LHFPL6: variants seen among roughly 807,000 people sequenced by gnomAD.
LHFPL6 encodes the protein LHFPL tetraspan subfamily member 6.
LHFPL6 carries 9 observed loss-of-function variants against 20.6 expected under a neutral mutation model. The observed-to-expected ratio is 0.44, with a 90% CI of 0.26 to 0.76. The LOEUF is 0.76. Among genes scored for constraint, LHFPL6 ranks in the 30% least tolerant of loss-of-function variants. LHFPL6 has a pLI of 0.20. For synonymous variants in LHFPL6, 105 were observed against 98.7 expected (o/e 1.06, Z -0.38); for missense variants, 218 against 253.5 (o/e 0.86, Z 0.95).
rs199547503 is a variant in LHFPL6 at position 39,553,584 on chromosome 13, GGTCTGTGCCTGTAGTCCCA to G, written c.385+47229_385+47247del. Among the ~76,000 whole-genome samples the G allele has an allele frequency of 3.4e-4, 51 of 152,226 alleles. No individual in the cohort carries two copies. The East Asian group carries it at 8.7e-3, about 26-fold the overall frequency. ...ATTTTTTTTAATTAGCCAGCATGGT[GGTCTGTGCCTGTAGTCCCA>G]GCTACTCAGGAAGCTGAGGTGGCAC... On this transcript the variant is annotated intron_variant, in intron 2 of 3. Transcript: ENST00000379589.
At chr13:39,431,717 T>TTG (rs796181082) in intron 2 of LHFPL6, among the ~76,000 whole-genome samples, 1 of 95,978 alleles carries the variant, frequency 1.0e-5, no homozygotes, top group Non-Finnish European at 2.1e-5. Flanking sequence ...GTAGAATTTG[T>TTG]GGGGGGGGGG....
chr13:39,414,241 T>A (rs917618224), intron 2 of LHFPL6, among the ~76,000 whole-genome samples: 1 of 152,142 alleles, frequency 6.6e-6, no homozygotes, highest in Non-Finnish European at 1.5e-5. Context: ...TATTTGGAAA[T>A]CAAGCTCAAT....
intron 2 of LHFPL6, among the ~76,000 whole-genome samples, chr13:39,395,524 T>A (rs1045074867): frequency 1.3e-5 from 2 of 152,188 alleles, no homozygotes; most frequent in African/African-American, 4.8e-5. Flanking sequence ...CAAAGACTGA[T>A]AAGGACGTCT....
chr13:39,554,657 C>T (rs775978626), intron 2 of LHFPL6, among the ~76,000 whole-genome samples: 4 of 152,164 alleles, frequency 2.6e-5, no homozygotes, highest in Non-Finnish European at 4.4e-5. Flanking sequence ...CCCCTCCTCC[C>T]CACCCACTGA....
chr13:39,422,632 C>T (rs535669508), intron 2 of LHFPL6, among the ~76,000 whole-genome samples: 16 of 149,308 alleles, frequency 1.1e-4, no homozygotes, highest in African/African-American at 2.9e-4. Flanking sequence ...AAACACAATG[C>T]GCAACAGCTA....
At chr13:39,378,102 A>G (rs895380537) in intron 3 of LHFPL6, among the ~76,000 whole-genome samples, 3 of 152,194 alleles carry the variant, frequency 2.0e-5, no homozygotes, top group Non-Finnish European at 2.9e-5. Flanking sequence ...CTCAGACTGC[A>G]AATTCTACAG....
intron 2 of LHFPL6, 99 bp downstream of exon 2, chr13:39,600,733 C>T: frequency 8.1e-7 from 1 of 1,228,372 alleles, no homozygotes; most frequent in Non-Finnish European, 1.1e-6. Flanking sequence ...TTATGCATTC[C>T]AGGTGTCATT....
At chr13:39,424,435 C>A (rs1464773983) in intron 2 of LHFPL6, among the ~76,000 whole-genome samples, 1 of 152,126 alleles carries the variant, frequency 6.6e-6, no homozygotes, top group African/African-American at 2.4e-5. Flanking sequence ...TTGAATAAAG[C>A]TGTCAGCAAC....
At chr13:39,486,449 T>C (rs1324965963) in intron 2 of LHFPL6, among the ~76,000 whole-genome samples, 1 of 152,212 alleles carries the variant, frequency 6.6e-6, no homozygotes, top group Middle Eastern at 3.2e-3. Flanking sequence ...CACTTACAAA[T>C]GGGTGGTATA....
At chr13:39,421,568 AATT>A (rs1244218830) in intron 2 of LHFPL6, among the ~76,000 whole-genome samples, 3 of 152,212 alleles carry the variant, frequency 2.0e-5, no homozygotes, top group African/African-American at 7.2e-5. Context: ...TCATGATAAA[AATT>A]ATCATCATTT....
At chr13:39,495,779 A>ATT (rs10558170) in intron 2 of LHFPL6, among the ~76,000 whole-genome samples, 67 of 89,528 alleles carry the variant, frequency 7.5e-4, no homozygotes, top group South Asian at 1.5e-3. Context: ...TAACTCAATA[A>ATT]TTTTTTTTTT....
intron 2 of LHFPL6, among the ~76,000 whole-genome samples, chr13:39,587,392 C>T (rs1234343020): frequency 6.6e-6 from 1 of 152,172 alleles, no homozygotes; most frequent in Non-Finnish European, 1.5e-5. Context: ...CCCAGGTCAA[C>T]TAGCACCTCT....
intron 2 of LHFPL6, among the ~76,000 whole-genome samples, chr13:39,442,862 T>G (rs988418455): frequency 1.3e-5 from 2 of 152,178 alleles, no homozygotes; most frequent in African/African-American, 4.8e-5. Context: ...CAAATACTAC[T>G]GTCCTCAATC....
intron 2 of LHFPL6, among the ~76,000 whole-genome samples, chr13:39,494,757 G>A (rs900627853): frequency 6.6e-6 from 1 of 152,110 alleles, no homozygotes; most frequent in Non-Finnish European, 1.5e-5. Flanking sequence ...GATTTAATTG[G>A]AATCAAATGT....
intron 2 of LHFPL6, among the ~76,000 whole-genome samples, chr13:39,501,179 T>C (rs1228882302): frequency 6.6e-6 from 1 of 152,214 alleles, no homozygotes; most frequent in African/African-American, 2.4e-5. Context: ...TTATATTTGC[T>C]GTTAGCAACA....
Position 39,580,843 on chromosome 13 carries a change from T to C in LHFPL6, c.385+19989A>G, listed in dbSNP as rs559177297. 2.0e-5 allele frequency among the ~76,000 whole-genome samples: 3 copies of C among 152,352 alleles called. No homozygotes were observed. In the East Asian group the frequency reaches 5.8e-4, roughly 29 times the overall value. ...TGTAACTTGTCCAGAACCAGGAAAC[T>C]GATGAACAGCAGAATTTAACCCTGT... On this transcript the variant is annotated intron_variant, in intron 2 of 3. Transcript: ENST00000379589.
At chr13:39,348,437 A>G (rs1869469621) in intron 3 of LHFPL6, among the ~76,000 whole-genome samples, 1 of 152,102 alleles carries the variant, frequency 6.6e-6, no homozygotes, top group South Asian at 2.1e-4. Flanking sequence ...CTCCGGGTGG[A>G]ACAAAGTCTG....
At chr13:39,585,189 G>C (rs928162547) in intron 2 of LHFPL6, among the ~76,000 whole-genome samples, 5 of 152,208 alleles carry the variant, frequency 3.3e-5, no homozygotes, top group Non-Finnish European at 7.3e-5. Flanking sequence ...TAGAGCTTGA[G>C]GGAATACACA....
At chr13:39,584,694 A>C (rs1402943064) in intron 2 of LHFPL6, among the ~76,000 whole-genome samples, 1 of 152,040 alleles carries the variant, frequency 6.6e-6, no homozygotes, top group African/African-American at 2.4e-5. Flanking sequence ...GAACAGGCTT[A>C]ATGTCTAGGA....
Sources: gnomAD v4.1 joint callset for allele counts (sites outside exome capture counted in the v4.1 genomes callset) on GRCh38, gnomAD v4.1.1 for gene constraint, MANE v1.5 for transcripts, NCBI Gene and HGNC (gene_info 2026-07-23, HGNC 2026-07-21) for gene names.